RPL27A: variants seen among roughly 807,000 people sequenced by gnomAD.
The protein encoded by RPL27A is large ribosomal subunit protein uL15.
For synonymous variants in RPL27A, 69 were observed against 68.3 expected (o/e 1.01, Z -0.05); for missense variants, 118 against 189.4 (o/e 0.62, Z 2.21).
In RPL27A at chr11:8,685,792, G is replaced by A; in HGVS notation, c.433G>A (p.Val145Ile). 1.2e-6 allele frequency: 2 copies of A among 1,613,930 alleles called. No individual in the cohort carries two copies. Among genetic ancestry groups the A allele is most frequent in the East Asian group, 4.5e-5 (2 of 44,878 alleles). ...EKIKSVGGAC[V>I]LVA ...GATTAAGAGTGTTGGGGGGGCCTGTGTCCTGGTGGCTTGAAGCCACATGGA... is the reference window on the plus strand; with the variant it reads ...GATTAAGAGTGTTGGGGGGGCCTGTATCCTGGTGGCTTGAAGCCACATGGA... Residue 145 changes from valine (V) to isoleucine (I), a missense_variant, in exon 5 of 5, where the codon GTC (valine) becomes ATC (isoleucine). Coordinates refer to ENST00000314138, the MANE Select transcript of RPL27A (RefSeq NM_000990.5).
intron 2 of RPL27A, 194 bp downstream of exon 2, chr11:8,683,459 G>C: frequency 1.6e-6 from 1 of 607,394 alleles, no homozygotes; most frequent in Non-Finnish European, 2.9e-6. Context: ...AATAGGAATT[G>C]AGCAGGCACG....
intron 4 of RPL27A, 85 bp from the exon 5 acceptor site, chr11:8,685,593 A>G (rs759569577): frequency 3.4e-6 from 5 of 1,462,128 alleles, no homozygotes; most frequent in East Asian, 4.6e-5. Flanking sequence ...GGATTTAGAA[A>G]GTGGGTTGGC....
At position 8,687,393 on chromosome 11, in the gene RPL27A, C is replaced by CCCG. The variant is rs2039596754; in HGVS notation, c.*1589_*1590insGCC. ...GGCAACAAGAGTGAAACTCTGTCCACCCCCCCCAAAAAAAGTAAGGGCTCT... is the reference window on the plus strand; with the variant it reads ...GGCAACAAGAGTGAAACTCTGTCCACCCGCCCCCCCAAAAAAAGTAAGGGCTCT... On this transcript the variant is annotated 3_prime_UTR_variant, in exon 5 of 5. Coordinates refer to ENST00000314138, the MANE Select transcript of RPL27A (RefSeq NM_000990.5). The CCCG allele has an allele frequency of 1.5e-5, 2 of 131,000 alleles. No individual in the cohort carries two copies. The highest frequency in any genetic ancestry group is 3.5e-5 in the Non-Finnish European group (2 of 57,914). The allele number at this position is 131,000 out of a possible 1,614,324, so 8.1% of individuals were successfully genotyped here.
chr11:8,684,958 TCC>T, intron 4 of RPL27A, 66 bp downstream of exon 4: 1 of 1,448,544 alleles, frequency 6.9e-7, no homozygotes, highest in South Asian at 1.1e-5. Flanking sequence ...CTTAATCTAA[TCC>T]ACTTATATAA....
At chr11:8,683,694 T>G (rs1474746393) in intron 2 of RPL27A, 3 of 481,706 alleles carry the variant, frequency 6.2e-6, no homozygotes, top group Non-Finnish European at 1.1e-5. Context: ...CTTTTTTGTG[T>G]GTGTGTGAGA....
rs1176350876 is a variant in RPL27A, at chr11:8,685,398, G to A, written c.319-280G>A. ...GTCAGGAAGGTGGTTGTCTTCTTTT[G>A]CTTAGCAGGGGGTATTTGAGCAGGA... On this transcript the variant is annotated intron_variant, in intron 4 of 4. Coordinates refer to ENST00000314138, the MANE Select transcript of RPL27A (RefSeq NM_000990.5). 6 of 608,782 alleles carry A rather than the reference G, an allele frequency of 9.9e-6. No individual in the cohort carries two copies. The Admixed American group carries it at 1.1e-4, about 11-fold the overall frequency. The allele number at this position is 608,782 out of a possible 1,614,324, so 37.7% of individuals were successfully genotyped here.
chr11:8,689,313 G>GTCAGCGACAT lies in RPL27A; in HGVS notation c.*3511_*3520dup, dbSNP rs2039616779. On this transcript the variant is annotated 3_prime_UTR_variant, in exon 5 of 5. Coordinates refer to ENST00000314138, the MANE Select transcript of RPL27A (RefSeq NM_000990.5). ...CTCAATTGTCTAAAAGGTAATGAGC[G>GTCAGCGACAT]TCAGCGACATTCAAGGGCACTTTGG... 1 of 152,236 alleles carries GTCAGCGACAT rather than the reference G, an allele frequency of 6.6e-6. No individual in the cohort carries two copies. The highest frequency in any genetic ancestry group is 1.5e-5 in the Non-Finnish European group (1 of 68,040). The allele number at this position is 152,236 out of a possible 1,614,324, so 9.4% of individuals were successfully genotyped here.
At chr11:8,683,375 A>G (rs946602810) in intron 2 of RPL27A, 110 bp downstream of exon 2, 11 of 878,154 alleles carry the variant, frequency 1.3e-5, no homozygotes, top group Non-Finnish European at 2.0e-5. Context: ...TTTGTGGTCA[A>G]GTTGCACAGC....
intron 1 of RPL27A, 139 bp downstream of exon 1, chr11:8,682,955 G>A: frequency 8.2e-7 from 1 of 1,221,516 alleles, no homozygotes; most frequent in Non-Finnish European, 1.1e-6. Flanking sequence ...CAGGGTGGCC[G>A]GCGCGGGCCC....
rs1251987480 is a variant in RPL27A at position 8,685,834 on chromosome 11, G to T, written c.*28G>T. 1.2e-6 allele frequency: 2 copies of T among 1,610,962 alleles called. No homozygotes were observed. Among genetic ancestry groups the T allele is most frequent in the African/African-American group, 1.3e-5 (1 of 74,914 alleles). ...CCACATGGAGGGAGTTTCATTAAAT[G>T]CTAACTACTTTTTCCTTGTGGTGTG... On this transcript the variant is annotated 3_prime_UTR_variant, in exon 5 of 5. Coordinates refer to ENST00000314138, the MANE Select transcript of RPL27A (RefSeq NM_000990.5).
chr11:8,682,812 A>G lies in RPL27A; in HGVS notation c.-2A>G, dbSNP rs1057069109. On this transcript the variant is annotated 5_prime_UTR_variant, in exon 1 of 5. Coordinates refer to ENST00000314138, the MANE Select transcript of RPL27A (RefSeq NM_000990.5). The stretch of plus-strand genomic sequence containing the variant: ...CCTTCCTTTTTCGTCTGGGCTGCCA[A>G]CATGGTAGGTGTTTCGTTTCTTGCC... 9.3e-6 allele frequency: 15 copies of G among 1,612,888 alleles called. No individual in the cohort carries two copies. The highest frequency in any genetic ancestry group is 4.0e-5 in the African/African-American group (3 of 74,818).
Position 8,689,242 on chromosome 11 carries a change from C to T in RPL27A, c.*3436C>T, listed in dbSNP as rs1258522124. ...TTAGGGTGCGTTTAAGAACAGTGGGCGTGGCCTTTACGTAAATCTTCGAGA... is the reference window on the plus strand; with the variant it reads ...TTAGGGTGCGTTTAAGAACAGTGGGTGTGGCCTTTACGTAAATCTTCGAGA... On this transcript the variant is annotated 3_prime_UTR_variant, in exon 5 of 5. Coordinates refer to ENST00000314138, the MANE Select transcript of RPL27A (RefSeq NM_000990.5). 1 of 152,204 alleles carries T rather than the reference C, an allele frequency of 6.6e-6. No homozygotes were observed. The highest frequency in any genetic ancestry group is 2.4e-5 in the African/African-American group (1 of 41,446). The allele number at this position is 152,204 out of a possible 1,614,324, so 9.4% of individuals were successfully genotyped here. A position where few individuals can be genotyped will look rare whatever the true frequency, so the allele number is the denominator to read the frequency against.
intron 4 of RPL27A, chr11:8,685,440 C>T (rs1007704650): frequency 5.9e-6 from 4 of 678,222 alleles, no homozygotes; most frequent in South Asian, 1.4e-5. Flanking sequence ...TTATGCTTTG[C>T]CGAGACTAGA....
Position 8,689,292 on chromosome 11 carries a change from A to G in RPL27A, c.*3486A>G, listed in dbSNP as rs1004968386. On this transcript the variant is annotated 3_prime_UTR_variant, in exon 5 of 5. Transcript: ENST00000314138. The stretch of plus-strand genomic sequence containing the variant: ...ATGGGAACCTCCAGAATTTGTCTCA[A>G]TTGTCTAAAAGGTAATGAGCGTCAG... 2.0e-5 allele frequency: 3 copies of G among 152,376 alleles called. No individual in the cohort carries two copies. Among genetic ancestry groups the G allele is most frequent in the South Asian group, 2.1e-4 (1 of 4,828 alleles). 9.4% of individuals were successfully genotyped at this position (152,376 alleles called of 1,614,324 possible).
chr11:8,683,800 C>A (rs1018995553), intron 2 of RPL27A: 23 of 577,576 alleles, frequency 4.0e-5, no homozygotes, highest in Non-Finnish European at 6.6e-5. Context: ...GCCTCAGCCT[C>A]CCGAGTAGCT....
intron 2 of RPL27A, 113 bp downstream of exon 2, chr11:8,683,378 T>A (rs2039529918): frequency 4.7e-6 from 4 of 848,598 alleles, no homozygotes; most frequent in Middle Eastern, 2.3e-4. Context: ...GTGGTCAAGT[T>A]GCACAGCTGT....
At position 8,689,717 on chromosome 11, in the gene RPL27A, C is replaced by G. The variant is rs777289119; in HGVS notation, c.*3911C>G. The G allele has an allele frequency of 6.6e-6, 1 of 152,196 alleles. No individual in the cohort carries two copies. Among genetic ancestry groups the G allele is most frequent in the African/African-American group, 2.4e-5 (1 of 41,442 alleles). The allele number at this position is 152,196 out of a possible 1,614,324, so 9.4% of individuals were successfully genotyped here. A position where few individuals can be genotyped will look rare whatever the true frequency, so the allele number is the denominator to read the frequency against. The stretch of plus-strand genomic sequence containing the variant: ...TATAGGTTAAAGCGTAAATTTAATT[C>G]CTGGCTCTATTTTACATCCCAATTT... On this transcript the variant is annotated 3_prime_UTR_variant, in exon 5 of 5. Transcript: ENST00000314138.
chr11:8,684,158 T>C, intron 3 of RPL27A, 77 bp downstream of exon 3: 1 of 1,222,934 alleles, frequency 8.2e-7, no homozygotes, highest in Admixed American at 1.7e-5. Flanking sequence ...AAACAAAAAG[T>C]TTAGAAGCAA....
chr11:8,683,013 T>A, intron 1 of RPL27A, 189 bp from the exon 2 acceptor site: 1 of 869,932 alleles, frequency 1.1e-6, no homozygotes, highest in Non-Finnish European at 1.8e-6. Flanking sequence ...TTCGGATCTC[T>A]AGGACACGCG....
Sources: gnomAD v4.1 joint callset for allele counts on GRCh38, gnomAD v4.1.1 for gene constraint, MANE v1.5 for transcripts, NCBI Gene and HGNC (gene_info 2026-07-23, HGNC 2026-07-21) for gene names.